PSEN1: variants seen among roughly 807,000 people sequenced by gnomAD.
The protein encoded by PSEN1 is presenilin 1.
Under a neutral mutation model 53.5 loss-of-function variants are expected in PSEN1, and 15 were observed. That is an observed-to-expected ratio of 0.28 (90% confidence interval 0.19 to 0.43). The LOEUF is 0.43. Ranked by LOEUF, PSEN1 falls within the 20% of genes least tolerant of loss-of-function variation. The pLI is 1.00. For synonymous variants in PSEN1, 208 were observed against 209.8 expected (o/e 0.99, Z 0.08); for missense variants, 387 against 571.2 (o/e 0.68, Z 3.29).
rs1897871738 is a variant in PSEN1, at chr14:73,170,934, G to A, written c.225G>A (p.Leu75=). ...QDEEEDEELT[L]KYGAKHVIML... The stretch of plus-strand genomic sequence containing the variant: ...AGGAAGAAGATGAGGAGCTGACATT[G>A]AAATATGGCGCCAAGCATGTGATCA... Residue 75 remains leucine, a synonymous_variant, in exon 4 of 12, where the codon TTG becomes TTA. Coordinates refer to ENST00000324501, the MANE Select transcript of PSEN1 (RefSeq NM_000021.4). The A allele has an allele frequency of 6.2e-7, 1 of 1,614,116 alleles. No homozygotes were observed.
At chr14:73,183,513 TG>T (rs1229240524) in intron 5 of PSEN1, among the ~76,000 whole-genome samples, 1 of 152,166 alleles carries the variant, frequency 6.6e-6, no homozygotes, top group Non-Finnish European at 1.5e-5. Context: ...ACGAGCATGC[TG>T]CCTTCAAGCA....
chr14:73,156,554 A>C (rs1445886011), intron 3 of PSEN1, among the ~76,000 whole-genome samples: 3 of 152,106 alleles, frequency 2.0e-5, no homozygotes, highest in Non-Finnish European at 4.4e-5. Context: ...GGAGTAGATG[A>C]AACAAGATTA....
At chr14:73,154,880 T>C (rs1897313847) in intron 3 of PSEN1, among the ~76,000 whole-genome samples, 1 of 152,224 alleles carries the variant, frequency 6.6e-6, no homozygotes, top group Non-Finnish European at 1.5e-5. Context: ...TGAGTTAAAA[T>C]TGATACACTG....
intron 7 of PSEN1, among the ~76,000 whole-genome samples, chr14:73,197,012 A>C (rs1898977546): frequency 1.4e-5 from 2 of 145,094 alleles, no homozygotes; most frequent in South Asian, 4.3e-4. Flanking sequence ...GGCGCACTGC[A>C]AGCTCCGCTT....
intron 3 of PSEN1, among the ~76,000 whole-genome samples, chr14:73,148,433 T>A (rs1026528053): frequency 6.6e-6 from 1 of 152,228 alleles, no homozygotes; most frequent in Admixed American, 6.5e-5. Context: ...TTTTATTTAC[T>A]GTATTCATTA....
chr14:73,187,418 C>A (rs1332933771), intron 6 of PSEN1, among the ~76,000 whole-genome samples: 1 of 152,072 alleles, frequency 6.6e-6, no homozygotes, highest in Non-Finnish European at 1.5e-5. Context: ...GCTCAAGTGG[C>A]AGAATACAGT....
intron 1 of PSEN1, among the ~76,000 whole-genome samples, chr14:73,138,542 G>A (rs929766373): frequency 6.7e-6 from 1 of 149,836 alleles, no homozygotes. Context: ...TTTAGAGATG[G>A]GAGCCTCACT....
At chr14:73,212,067 T>G (rs1249832623) in intron 10 of PSEN1, 125 bp downstream of exon 10, 1 of 612,936 alleles carries the variant, frequency 1.6e-6, no homozygotes, top group Non-Finnish European at 2.8e-6. Context: ...TAACTTTTAT[T>G]TGGATATATC....
At chr14:73,191,605 T>C (rs2037521541) in intron 6 of PSEN1, among the ~76,000 whole-genome samples, 1 of 152,132 alleles carries the variant, frequency 6.6e-6, no homozygotes, top group Admixed American at 6.6e-5. Context: ...TGGAGTGCAG[T>C]AGTGTGATCA....
chr14:73,188,365 T>G (rs1320646698), intron 6 of PSEN1, among the ~76,000 whole-genome samples: 1 of 152,182 alleles, frequency 6.6e-6, no homozygotes, highest in Non-Finnish European at 1.5e-5. Context: ...CCTTAATAAA[T>G]AGACGGGGTC....
rs569482154 is a variant in PSEN1 at position 73,153,799 on chromosome 14, G to A, written c.87+5693G>A. ...GCGATCTCGGCTCACTGCAGCCTCT[G>A]CCTCCCAGGTTCAAGCGATTCTCCT... On this transcript the variant is annotated intron_variant, in intron 3 of 11. Transcript: ENST00000324501. 2.7e-5 allele frequency among the ~76,000 whole-genome samples: 4 copies of A among 146,456 alleles called. No individual in the cohort carries two copies. The East Asian group carries it at 8.1e-4, about 30-fold the overall frequency.
At chr14:73,202,009 A>T (rs977664973) in intron 8 of PSEN1, among the ~76,000 whole-genome samples, 4 of 151,746 alleles carry the variant, frequency 2.6e-5, no homozygotes, top group African/African-American at 4.8e-5. Context: ...GGCCTCCCAA[A>T]GTGCTGGGAT....
rs2140106129 is a variant in PSEN1 at position 73,198,466 on chromosome 14, C to T, written c.868+337C>T. Among the ~76,000 whole-genome samples the T allele has an allele frequency of 1.3e-5, 2 of 152,270 alleles. 1 individual carries two copies. The highest frequency in any genetic ancestry group is 6.8e-3 in the Middle Eastern group (2 of 294). On this transcript the variant is annotated intron_variant, in intron 8 of 11. Coordinates refer to ENST00000324501, the MANE Select transcript of PSEN1 (RefSeq NM_000021.4). ...ATGTCTTTCTGCTATTCGGTGACCA[C>T]TGGGGAACTGAGATTGTTGAGCAGA...
At position 73,221,290 on chromosome 14, in the gene PSEN1, G is replaced by A. The variant is rs2140153573; in HGVS notation, c.*2001G>A. ...CTCTCTCAGACATGTGCTAGCATGG[G>A]TATTATCATTGAGAAAGCACAGCTA... On this transcript the variant is annotated 3_prime_UTR_variant, in exon 12 of 12. Coordinates refer to ENST00000324501, the MANE Select transcript of PSEN1 (RefSeq NM_000021.4). 1 of 152,242 alleles carries A rather than the reference G, an allele frequency of 6.6e-6. No individual in the cohort carries two copies. The highest frequency in any genetic ancestry group is 2.1e-4 in the South Asian group (1 of 4,824). 9.4% of individuals were successfully genotyped at this position (152,242 alleles called of 1,614,324 possible).
chr14:73,138,132 G>A (rs2140485291), intron 1 of PSEN1: 1 of 151,150 alleles, frequency 6.6e-6, no homozygotes, highest in East Asian at 1.9e-4. Context: ...TTATTAGCAT[G>A]CAGACTGGGA....
chr14:73,204,123 C>T (rs943441687), intron 8 of PSEN1, among the ~76,000 whole-genome samples: 2 of 152,080 alleles, frequency 1.3e-5, no homozygotes, highest in African/African-American at 2.4e-5. Flanking sequence ...CTCAGCCTCC[C>T]GAGTCGCCGG....
At chr14:73,161,108 G>A in intron 3 of PSEN1, among the ~76,000 whole-genome samples, 1 of 151,446 alleles carries the variant, frequency 6.6e-6, no homozygotes, top group East Asian at 1.9e-4. Flanking sequence ...CTGAGTAGCT[G>A]GAACTATAGG....
intron 5 of PSEN1, among the ~76,000 whole-genome samples, chr14:73,185,416 C>A (rs1030396651): frequency 1.3e-5 from 2 of 152,194 alleles, no homozygotes; most frequent in African/African-American, 4.8e-5. Flanking sequence ...CCGGCCTGGC[C>A]AACACAGCGA....
At chr14:73,155,324 T>C (rs1897323575) in intron 3 of PSEN1, among the ~76,000 whole-genome samples, 1 of 152,156 alleles carries the variant, frequency 6.6e-6, no homozygotes, top group Non-Finnish European at 1.5e-5. Context: ...TCTTTATCTG[T>C]TAAATGAAGT....
Sources: allele counts gnomAD v4.1 joint callset (sites outside exome capture counted in the v4.1 genomes callset), GRCh38; gene constraint gnomAD v4.1.1; transcripts MANE v1.5; gene names NCBI Gene and HGNC (gene_info 2026-07-23, HGNC 2026-07-21).